NEK11: variants seen among roughly 807,000 people sequenced by gnomAD.
NEK11 encodes the protein NIMA related kinase 11, also known as serine/threonine-protein kinase Nek11.
In NEK11, 72 loss-of-function variants were observed where a neutral mutation model predicts 80.7. That is an observed-to-expected ratio of 0.89 (90% CI 0.74 to 1.08). The LOEUF (loss-of-function observed/expected upper bound fraction) is 1.08, where lower values mean the gene tolerates loss of function less well. Among genes scored for constraint, NEK11 ranks in the 50% least tolerant of loss-of-function variants. NEK11 has a pLI of 0.00. For synonymous variants in NEK11, 251 were observed against 260.7 expected (o/e 0.96, Z 0.36); for missense variants, 764 against 763.6 (o/e 1.00, Z -0.01).
intron 3 of NEK11, among the ~76,000 whole-genome samples, chr3:131,039,644 C>A (rs974699169): frequency 4.6e-5 from 7 of 152,160 alleles, no homozygotes; most frequent in Admixed American, 2.6e-4. Context: ...CAACTTTATA[C>A]CTATTTTGAA....
chr3:131,310,771 C>G (rs1174257788), intron 17 of NEK11, among the ~76,000 whole-genome samples: 1 of 152,186 alleles, frequency 6.6e-6, no homozygotes, highest in Admixed American at 6.5e-5. Flanking sequence ...AGGAGTCACA[C>G]AGCAACATTA....
chr3:131,202,779 G>A (rs1580094133), intron 14 of NEK11, among the ~76,000 whole-genome samples: 1 of 152,168 alleles, frequency 6.6e-6, no homozygotes, highest in Non-Finnish European at 1.5e-5. Context: ...GATATGAACA[G>A]ACACTTCTCA....
chr3:131,237,284 G>A (rs888840407), intron 15 of NEK11, among the ~76,000 whole-genome samples: 6 of 152,176 alleles, frequency 3.9e-5, no homozygotes, highest in South Asian at 4.1e-4. Context: ...TGCAGTGAGC[G>A]ATGATTAAGC....
intron 4 of NEK11, among the ~76,000 whole-genome samples, chr3:131,100,043 C>CA (rs1454724501): frequency 1.3e-5 from 2 of 152,076 alleles, no homozygotes; most frequent in Non-Finnish European, 2.9e-5. Context: ...TTCCAGTTCT[C>CA]AAAGAGAATG....
rs375204375 is a variant in NEK11 at position 131,304,344 on chromosome 3, T to A, written c.1718+30770T>A. ...TATTCCTTAGATTTCTTGGATTGGG[T>A]TTTGACTTTCTCCTGAATCTCAATG... On this transcript the variant is annotated intron_variant, in intron 17 of 17. Transcript: ENST00000383366. 3.9e-5 allele frequency among the ~76,000 whole-genome samples: 6 copies of A among 152,324 alleles called. No individual in the cohort carries two copies. The South Asian group carries it at 1.2e-3, about 32-fold the overall frequency.
intron 3 of NEK11, among the ~76,000 whole-genome samples, chr3:131,050,167 CT>C (rs2068124511): frequency 6.6e-6 from 1 of 152,200 alleles, no homozygotes; most frequent in Admixed American, 6.5e-5. Context: ...AATTTATTAC[CT>C]AGTGATCAAT....
chr3:131,138,290 G>A (rs1407381351), intron 7 of NEK11, among the ~76,000 whole-genome samples: 2 of 152,210 alleles, frequency 1.3e-5, no homozygotes, highest in South Asian at 2.1e-4. Flanking sequence ...CTGTAGGCCT[G>A]TAGTGGTGGT....
chr3:131,174,990 T>C lies in NEK11; in HGVS notation c.1399+4103T>C, dbSNP rs561461950. ...AATCACTGAGCCCAATGCTCAGAGATAGCTCAGACCTGTAGGTGGTTGTGC... is the reference window on the plus strand; with the variant it reads ...AATCACTGAGCCCAATGCTCAGAGACAGCTCAGACCTGTAGGTGGTTGTGC... On this transcript the variant is annotated intron_variant, in intron 14 of 17. Transcript: ENST00000383366. 499 of 1,369,452 alleles carry C rather than the reference T, an allele frequency of 3.6e-4. 5 individuals carry two copies. In the South Asian group the frequency reaches 6.1e-3, roughly 17 times the overall value. 84.8% of individuals were successfully genotyped at this position (1,369,452 alleles called of 1,614,324 possible).
At chr3:131,047,407 T>A (rs2109894070) in intron 3 of NEK11, among the ~76,000 whole-genome samples, 1 of 152,338 alleles carries the variant, frequency 6.6e-6, no homozygotes, top group Non-Finnish European at 1.5e-5. Context: ...GTAGACTACA[T>A]CAGAGAAATG....
chr3:131,298,418 T>C (rs993046646), intron 17 of NEK11, among the ~76,000 whole-genome samples: 1 of 152,206 alleles, frequency 6.6e-6, no homozygotes, highest in Non-Finnish European at 1.5e-5. Context: ...TTTTATTCTC[T>C]TTGAAGCAAT....
At chr3:131,241,886 G>A (rs555826146) in intron 15 of NEK11, among the ~76,000 whole-genome samples, 11 of 151,688 alleles carry the variant, frequency 7.3e-5, no homozygotes, top group South Asian at 4.2e-4. Flanking sequence ...TGGGATTTGG[G>A]GTATTTATTT....
intron 4 of NEK11, among the ~76,000 whole-genome samples, chr3:131,090,669 T>C (rs953538422): frequency 2.0e-5 from 3 of 152,226 alleles, no homozygotes; most frequent in Non-Finnish European, 4.4e-5. Flanking sequence ...AAAAACTGTA[T>C]TTCTTTGTTG....
At chr3:131,049,001 T>G (rs1463591866) in intron 3 of NEK11, among the ~76,000 whole-genome samples, 1 of 152,222 alleles carries the variant, frequency 6.6e-6, no homozygotes, top group Non-Finnish European at 1.5e-5. Flanking sequence ...TTGCTCCGCC[T>G]ACGGAAGACT....
intron 16 of NEK11, among the ~76,000 whole-genome samples, chr3:131,267,534 T>C (rs1398616581): frequency 6.6e-6 from 1 of 152,242 alleles, no homozygotes; most frequent in Non-Finnish European, 1.5e-5. Context: ...TCTTCTGGCT[T>C]GTAGGGTTTC....
At chr3:131,080,025 A>G (rs962487011) in intron 3 of NEK11, among the ~76,000 whole-genome samples, 11 of 104,228 alleles carry the variant, frequency 1.1e-4, no homozygotes, top group East Asian at 2.4e-4. Flanking sequence ...ACATATATAT[A>G]TGTGTGTGTG....
chr3:131,037,894 C>T (rs1324552611), intron 3 of NEK11, among the ~76,000 whole-genome samples: 1 of 152,096 alleles, frequency 6.6e-6, no homozygotes, highest in Non-Finnish European at 1.5e-5. Context: ...TCTAGGAGTT[C>T]TCTCCAGTGG....
At chr3:131,314,338 C>T (rs1305941376) in intron 17 of NEK11, among the ~76,000 whole-genome samples, 1 of 152,180 alleles carries the variant, frequency 6.6e-6, no homozygotes, top group African/African-American at 2.4e-5. Flanking sequence ...GGTTGTTCCA[C>T]CTGTAGCTGA....
At chr3:131,259,019 T>C (rs1246727174) in intron 16 of NEK11, among the ~76,000 whole-genome samples, 1 of 152,136 alleles carries the variant, frequency 6.6e-6, no homozygotes, top group Non-Finnish European at 1.5e-5. Context: ...CATTTAAGCT[T>C]TACTAGAGCC....
chr3:131,329,109 ATATAAGAGGTCATT>A (rs1489839994), intron 17 of NEK11: 1 of 152,202 alleles, frequency 6.6e-6, no homozygotes, highest in Non-Finnish European at 1.5e-5. Flanking sequence ...TCACCCAGAA[ATATAAGAGGTCATT>A]TTTATCTAAA....
Sources: gnomAD v4.1 joint callset for allele counts (sites outside exome capture counted in the v4.1 genomes callset) on GRCh38, gnomAD v4.1.1 for gene constraint, MANE v1.5 for transcripts, NCBI Gene and HGNC (gene_info 2026-07-23, HGNC 2026-07-21) for gene names.